OTOGL: variants seen among roughly 807,000 people sequenced by gnomAD.
The protein encoded by OTOGL is otogelin like.
In OTOGL, 285 loss-of-function variants were observed where a neutral mutation model predicts 318.5. That is an observed-to-expected ratio of 0.89 (90% CI 0.81 to 0.99). The LOEUF is 0.99. Among genes scored for constraint, OTOGL ranks in the 50% least tolerant of loss-of-function variants. OTOGL has a pLI of 0.00. For missense variants in OTOGL, 2,899 were observed against 2,845.6 expected (o/e 1.02, Z -0.43); for synonymous variants, 987 against 936.5 (o/e 1.05, Z -0.99).
intron 1 of OTOGL, among the ~76,000 whole-genome samples, chr12:80,175,114 A>T (rs1406398793): frequency 6.6e-6 from 1 of 152,224 alleles, no homozygotes; most frequent in Admixed American, 6.5e-5. Context: ...ACAGAGACAC[A>T]GAGATGGTAA....
At chr12:80,145,925 C>T (rs948451295) in intron 1 of OTOGL, among the ~76,000 whole-genome samples, 6 of 145,292 alleles carry the variant, frequency 4.1e-5, no homozygotes, top group Non-Finnish European at 7.4e-5. Context: ...TGAGACTTTG[C>T]TGAAATTGCT....
Position 80,352,341 on chromosome 12 carries a change from A to G in OTOGL, c.5312A>G (p.Tyr1771Cys). Residue 1771 changes from tyrosine to cysteine, a missense_variant, in exon 45 of 59, where the codon TAT becomes TGT. This residue lies in a region of OTOGL where 2,607 missense variants were observed against 2,524.9 expected (regional missense o/e 1.03). Coordinates refer to ENST00000547103, the MANE Select transcript of OTOGL (RefSeq NM_001378609.3). Reference protein sequence around the residue: ...FCEKMWINYTYFWNYECDALS... With the variant: ...FCEKMWINYTCFWNYECDALS... ...GAAAAGATGTGGATCAATTATACCT[A>G]TTTTTGGAACTATGAATGTGATGCA... The G allele has an allele frequency of 6.2e-7, 1 of 1,612,478 alleles. No homozygotes were observed. Among genetic ancestry groups the G allele is most frequent in the Non-Finnish European group, 8.5e-7 (1 of 1,179,206 alleles).
chr12:80,216,786 C>A (rs1215943469), intron 4 of OTOGL, among the ~76,000 whole-genome samples: 1 of 152,092 alleles, frequency 6.6e-6, no homozygotes, highest in Non-Finnish European at 1.5e-5. Context: ...ATTCAAAATT[C>A]ATGCTGTTTA....
Position 80,302,702 on chromosome 12 carries a change from A to G in OTOGL, c.3132A>G (p.Val1044=). The G allele has an allele frequency of 2.0e-6, 3 of 1,532,638 alleles. No individual in the cohort carries two copies. The highest frequency in any genetic ancestry group is 2.6e-6 in the Non-Finnish European group (3 of 1,143,650). The allele number at this position is 1,532,638 out of a possible 1,614,324, so 94.9% of individuals were successfully genotyped here. The change falls in exon 28 of 59, where the codon GTA becomes GTG. Residue 1044 remains valine, a synonymous_variant. Transcript: ENST00000547103. Reference sequence around the variant, plus strand: ...TTTGGAAGGCTGGTTACTATATAGTAGTATACTTTCCAGAGAAAGATATCA... The same window carrying G: ...TTTGGAAGGCTGGTTACTATATAGTGGTATACTTTCCAGAGAAAGATATCA... The part of the protein sequence containing the change: ...YQLWKAGYYI[V]VYFPEKDITI...
chr12:80,138,766 T>C (rs1871739985), intron 1 of OTOGL, among the ~76,000 whole-genome samples: 1 of 152,178 alleles, frequency 6.6e-6, no homozygotes. Context: ...ATCAATGTGT[T>C]CACAGAGAAT....
At chr12:80,130,235 G>C (rs1172832393) in intron 1 of OTOGL, among the ~76,000 whole-genome samples, 1 of 152,166 alleles carries the variant, frequency 6.6e-6, no homozygotes, top group Non-Finnish European at 1.5e-5. Context: ...ATTCAAGCCA[G>C]TTGGGAATGC....
At chr12:80,142,809 G>A (rs1471998489) in intron 1 of OTOGL, among the ~76,000 whole-genome samples, 1 of 152,172 alleles carries the variant, frequency 6.6e-6, no homozygotes, top group Non-Finnish European at 1.5e-5. Flanking sequence ...GAAGCTAGAG[G>A]TGAATGAGGA....
At chr12:80,333,441 A>G (rs1888204347) in intron 38 of OTOGL, among the ~76,000 whole-genome samples, 1 of 151,894 alleles carries the variant, frequency 6.6e-6, no homozygotes, top group Non-Finnish European at 1.5e-5. Flanking sequence ...AAAAAAGATA[A>G]AAGTCATTGT....
rs527832190 is a variant in OTOGL, at chr12:80,217,433, C to G, written c.169-165C>G. ...CTTCTAACCACAACCTCAGAGGAAC[C>G]CTTTCTGCCTCATGGAGATGATAAG... On this transcript the variant is annotated intron_variant, in intron 4 of 58. Coordinates refer to ENST00000547103, the MANE Select transcript of OTOGL (RefSeq NM_001378609.3). Among the ~76,000 whole-genome samples, 360 of 152,226 alleles carry G rather than the reference C, an allele frequency of 2.4e-3. 1 individual carries two copies. The highest frequency in any genetic ancestry group is 8.5e-3 in the African/African-American group (351 of 41,534).
At chr12:80,271,286 G>C (rs1883389076) in intron 23 of OTOGL, among the ~76,000 whole-genome samples, 2 of 152,048 alleles carry the variant, frequency 1.3e-5, no homozygotes, top group Non-Finnish European at 2.9e-5. Context: ...CTATAGTTAT[G>C]TCTACTTCTG....
Position 80,285,282 on chromosome 12 carries a change from C to T in OTOGL, c.2928+6116C>T, listed in dbSNP as rs1320563780. Among the ~76,000 whole-genome samples, 3 of 152,148 alleles carry T rather than the reference C, an allele frequency of 2.0e-5. No individual in the cohort carries two copies. The East Asian group carries it at 5.8e-4, about 29-fold the overall frequency. On this transcript the variant is annotated intron_variant, in intron 26 of 58. Transcript: ENST00000547103. ...AGCTTGCTGTTTTGGTTACTATAGC[C>T]TTGTAGTATAGTTTGCAGTCAGGTA... is the stretch of plus-strand genomic sequence containing the variant.
At chr12:80,160,137 A>T (rs12817937) in intron 1 of OTOGL, among the ~76,000 whole-genome samples, 5,476 of 152,252 alleles carry the variant, frequency 0.036, 116 homozygotes, top group South Asian at 0.088. Flanking sequence ...CTGAAAATAT[A>T]AAAATTCTAG....
chr12:80,212,213 T>C (rs1037361025), intron 4 of OTOGL, among the ~76,000 whole-genome samples: 2 of 149,380 alleles, frequency 1.3e-5, no homozygotes, highest in African/African-American at 4.9e-5. Context: ...AAAATACACA[T>C]TTTTTTTTTG....
At chr12:80,329,700 G>A (rs1031750357) in intron 37 of OTOGL, among the ~76,000 whole-genome samples, 6 of 152,146 alleles carry the variant, frequency 3.9e-5, no homozygotes, top group African/African-American at 1.2e-4. Context: ...CTCACAGTGA[G>A]GCTCAACAAA....
At chr12:80,124,851 G>C (rs934706322) in intron 1 of OTOGL, among the ~76,000 whole-genome samples, 9 of 152,124 alleles carry the variant, frequency 5.9e-5, no homozygotes, top group African/African-American at 2.2e-4. Context: ...TCTGTTATTG[G>C]TGTATAAGAA....
chr12:80,367,646 TTATGC>T lies in OTOGL; in HGVS notation c.6421_6425del (p.Ala2141ArgfsTer8). The T allele has an allele frequency of 6.5e-7, 1 of 1,536,306 alleles. No homozygotes were observed. The highest frequency in any genetic ancestry group is 8.8e-7 in the Non-Finnish European group (1 of 1,130,960). On this transcript the variant is annotated frameshift_variant, in exon 54 of 59. Transcript: ENST00000547103. LOFTEE classifies it high-confidence loss of function. ...TAAAGTATTTGGAAGAAGACTTTTG[TTATGC>T]TATAGAGTGTCTGGAAGAAAAAGAT...
chr12:80,308,089 T>TG (rs1886336985), intron 29 of OTOGL, among the ~76,000 whole-genome samples: 1 of 131,006 alleles, frequency 7.6e-6, no homozygotes, highest in African/African-American at 3.2e-5. Context: ...GCTGGCCGGG[T>TG]GGGGGGCTGA....
At chr12:80,135,139 T>C (rs987125183) in intron 1 of OTOGL, among the ~76,000 whole-genome samples, 2 of 151,966 alleles carry the variant, frequency 1.3e-5, no homozygotes, top group African/African-American at 4.8e-5. Context: ...TTCAACACAG[T>C]TTTCCTCCCC....
At chr12:80,364,534 A>G (rs1044699332) in intron 52 of OTOGL, among the ~76,000 whole-genome samples, 16 of 152,094 alleles carry the variant, frequency 1.1e-4, no homozygotes, top group African/African-American at 1.9e-4. Flanking sequence ...CATCAATCCA[A>G]AAAGAAACCC....
Sources: allele counts gnomAD v4.1 joint callset (sites outside exome capture counted in the v4.1 genomes callset), GRCh38; gene constraint gnomAD v4.1.1; regional missense constraint gnomAD v4.1.1; transcripts MANE v1.5; gene names NCBI Gene and HGNC (gene_info 2026-07-23, HGNC 2026-07-21).